DNAAF5: variants seen among roughly 807,000 people sequenced by gnomAD.
DNAAF5 encodes the protein HEAT repeat containing 2.
DNAAF5 carries 64 observed loss-of-function variants against 75.8 expected under a neutral mutation model. The ratio of observed to expected loss-of-function variants is 0.84; its 90% CI spans 0.69 to 1.04. The LOEUF (loss-of-function observed/expected upper bound fraction) is 1.04, where lower values mean the gene tolerates loss of function less well. Among genes scored for constraint, DNAAF5 ranks in the 50% least tolerant of loss-of-function variants. The pLI is 0.00. For missense variants in DNAAF5, 1,269 were observed against 1,178.5 expected (o/e 1.08, Z -1.12); for synonymous variants, 657 against 557.2 (o/e 1.18, Z -2.52).
intron 8 of DNAAF5, among the ~76,000 whole-genome samples, chr7:764,678 T>G (rs536745732): frequency 1.3e-5 from 2 of 152,192 alleles, no homozygotes; most frequent in African/African-American, 4.8e-5. Context: ...TTACACAATC[T>G]CTGTGCCTGG....
In DNAAF5 at chr7:770,463, T is replaced by C; in HGVS notation, c.1784-8T>C. The stretch of plus-strand genomic sequence containing the variant: ...GCCGTGCACAGGAGCCTCTGTTGTG[T>C]CTTACAGGCCCTGCCCTGGGAGAAG... On this transcript the variant is annotated splice_polypyrimidine_tract_variant and splice_region_variant and intron_variant, in intron 8 of 12. Coordinates refer to ENST00000297440, the MANE Select transcript of DNAAF5 (RefSeq NM_017802.4). The C allele has an allele frequency of 6.2e-7, 1 of 1,612,134 alleles. No individual in the cohort carries two copies. Among genetic ancestry groups the C allele is most frequent in the East Asian group, 2.2e-5 (1 of 44,856 alleles).
At chr7:768,883 A>G (rs1778452411) in intron 8 of DNAAF5, 3 of 490,454 alleles carry the variant, frequency 6.1e-6, no homozygotes, top group South Asian at 6.5e-5. Context: ...AGGGTGAAAC[A>G]GTCAGAAACT....
chr7:752,711 G>A (rs1782346162), intron 4 of DNAAF5, among the ~76,000 whole-genome samples: 1 of 152,206 alleles, frequency 6.6e-6, no homozygotes, highest in African/African-American at 2.4e-5. Flanking sequence ...TCTGTAACAG[G>A]GTAAAGCAAT....
Position 754,600 on chromosome 7 carries a change from G to T in DNAAF5, c.1036G>T (p.Val346Leu). ...CTTTTTCGTTCCAGAGCGCCGCCCT[G>T]TGCTGGGCTGCCGGGAGCTCGTCTT... ...PHYPPHERRP[V>L]LGCRELVFRN... The change falls in exon 5 of 13, where the codon GTG becomes TTG. Residue 346 changes from valine to leucine, a missense_variant. Val to Leu is a conservative substitution (Grantham distance 32). Coordinates refer to ENST00000297440, the MANE Select transcript of DNAAF5 (RefSeq NM_017802.4). This position sits in a 1 kb window ranked among gnomAD's most constrained non-coding sequence, Gnocchi z 4.8. 1.2e-6 allele frequency: 2 copies of T among 1,614,088 alleles called. No individual in the cohort carries two copies.
chr7:783,438 A>T (rs1361009041), intron 12 of DNAAF5, among the ~76,000 whole-genome samples: 1 of 152,054 alleles, frequency 6.6e-6, no homozygotes, highest in Non-Finnish European at 1.5e-5. Flanking sequence ...GCGTGCGACC[A>T]CATGCCTGGC....
chr7:747,050 C>T (rs1156799617), intron 4 of DNAAF5, among the ~76,000 whole-genome samples: 1 of 152,232 alleles, frequency 6.6e-6, no homozygotes, highest in Admixed American at 6.5e-5. Flanking sequence ...ATATTCGGGT[C>T]CTTTCTAGTT....
At position 727,286 on chromosome 7, in the gene DNAAF5, G is replaced by A; in HGVS notation, c.566G>A (p.Cys189Tyr). The change falls in exon 1 of 13, where the codon TGC becomes TAC. Residue 189 changes from cysteine (C) to tyrosine (Y), a missense_variant. Transcript: ENST00000297440. ...FAAVRRESCS[C>Y]AAALAQATPD... ...GCCGTGCGCCGCGAGAGCTGCAGCT[G>A]CGCCGCCGCCCTGGCGCAGGCCACG... 3 of 1,308,050 alleles carry A rather than the reference G, an allele frequency of 2.3e-6. No individual in the cohort carries two copies. The highest frequency in any genetic ancestry group is 2.1e-5 in the South Asian group (1 of 47,264). The allele number at this position is 1,308,050 out of a possible 1,614,324, so 81.0% of individuals were successfully genotyped here. A position where few individuals can be genotyped will look rare whatever the true frequency, so the allele number is the denominator to read the frequency against.
chr7:747,333 G>A (rs1246735834), intron 4 of DNAAF5, among the ~76,000 whole-genome samples: 14 of 152,134 alleles, frequency 9.2e-5, no homozygotes, highest in Non-Finnish European at 1.9e-4. Flanking sequence ...GTTGGCACAC[G>A]GTGTTGGTGT....
At position 726,822 on chromosome 7, in the gene DNAAF5, G is replaced by A; in HGVS notation, c.102G>A (p.Leu34=). 1 of 1,324,746 alleles carries A rather than the reference G, an allele frequency of 7.5e-7. No individual in the cohort carries two copies. Among genetic ancestry groups the A allele is most frequent in the South Asian group, 2.0e-5 (1 of 48,920 alleles). The allele number at this position is 1,324,746 out of a possible 1,614,324, so 82.1% of individuals were successfully genotyped here. ...AGCTGAGCCGCGCCCTGAGCCGCCTGCTGCCGGGGCTGGAGGCCGACAGCA... is the reference window on the plus strand; with the variant it reads ...AGCTGAGCCGCGCCCTGAGCCGCCTACTGCCGGGGCTGGAGGCCGACAGCA... ...AVELSRALSR[L]LPGLEADSKP... is the part of the protein sequence containing the mutation. The change falls in exon 1 of 13, where the codon CTG becomes CTA. Residue 34 remains leucine, a synonymous_variant. Coordinates refer to ENST00000297440, the MANE Select transcript of DNAAF5 (RefSeq NM_017802.4).
intron 7 of DNAAF5, among the ~76,000 whole-genome samples, chr7:762,804 A>G (rs1366124613): frequency 6.6e-6 from 1 of 152,046 alleles, no homozygotes; most frequent in African/African-American, 2.4e-5. Flanking sequence ...AGTAGAGACA[A>G]GGTTTTGCCA....
At chr7:729,944 G>A in intron 2 of DNAAF5, 97 bp downstream of exon 2, 1 of 1,175,676 alleles carries the variant, frequency 8.5e-7, no homozygotes, top group Non-Finnish European at 1.2e-6. Flanking sequence ...TTTTCAGAGT[G>A]CTGTATGCAC....
At chr7:762,198 A>G (rs1022355428) in intron 7 of DNAAF5, among the ~76,000 whole-genome samples, 4 of 152,190 alleles carry the variant, frequency 2.6e-5, no homozygotes, top group African/African-American at 9.6e-5. Context: ...TTAATAGTGC[A>G]CATGTCGCTG....
intron 1 of DNAAF5, chr7:727,528 T>G: frequency 8.4e-6 from 2 of 237,064 alleles, no homozygotes; most frequent in Non-Finnish European, 1.5e-5. Context: ...CTGCTTCCCC[T>G]GCCTCACGTC....
At chr7:780,279 CTT>C in intron 12 of DNAAF5, 135 bp downstream of exon 12, 1 of 733,144 alleles carries the variant, frequency 1.4e-6, no homozygotes, top group Non-Finnish European at 2.2e-6. Flanking sequence ...CTGGCACACT[CTT>C]GAGTTCTTGG....
chr7:780,676 A>G (rs779377238), intron 12 of DNAAF5, among the ~76,000 whole-genome samples: 40 of 152,230 alleles, frequency 2.6e-4, no homozygotes, highest in Non-Finnish European at 4.4e-4. Flanking sequence ...GACTTCTTCA[A>G]TACCACGCCA....
Position 728,615 on chromosome 7 carries a change from C to G in DNAAF5, c.596-1048C>G, listed in dbSNP as rs116055408. ...ATTCCTGGCATTTAATGTATTTCTT[C>G]TTCATCCTCAACCACTTCCCTACCC... On this transcript the variant is annotated intron_variant, in intron 1 of 12. Coordinates refer to ENST00000297440, the MANE Select transcript of DNAAF5 (RefSeq NM_017802.4). 3.9e-3 allele frequency among the ~76,000 whole-genome samples: 600 copies of G among 152,352 alleles called. 5 individuals are homozygous for G. The highest frequency in any genetic ancestry group is 0.014 in the African/African-American group (567 of 41,574).
rs556992572 is a variant in DNAAF5, at chr7:755,393, G to A, written c.1257+572G>A. Among the ~76,000 whole-genome samples, 6 of 152,180 alleles carry A rather than the reference G, an allele frequency of 3.9e-5. No homozygotes were observed. The South Asian group carries it at 1.0e-3, about 26-fold the overall frequency. On this transcript the variant is annotated intron_variant, in intron 5 of 12. Coordinates refer to ENST00000297440, the MANE Select transcript of DNAAF5 (RefSeq NM_017802.4). The stretch of plus-strand genomic sequence containing the variant: ...TCTCCTCCTCACTAGGCCGGGCCAC[G>A]CCCTGCGCTGACAGTCACCACCATG...
intron 4 of DNAAF5, among the ~76,000 whole-genome samples, chr7:742,953 C>T (rs1363403416): frequency 6.6e-6 from 1 of 152,244 alleles, no homozygotes; most frequent in African/African-American, 2.4e-5. Flanking sequence ...AATCAGATGC[C>T]CTGAGAGATT....
rs747818453 is a variant in DNAAF5 at position 774,237 on chromosome 7, G to A, written c.2082+39G>A. ...TGCGTGCTCGGTGGACACCGGCCGG[G>A]GACTGCGCAGGCTTCCTGGCGCCCG... On this transcript the variant is annotated intron_variant, in intron 10 of 12. Coordinates refer to ENST00000297440, the MANE Select transcript of DNAAF5 (RefSeq NM_017802.4). The A allele has an allele frequency of 1.9e-6, 3 of 1,558,382 alleles. No homozygotes were observed. The East Asian group carries it at 6.8e-5, about 35-fold the overall frequency.
Sources: allele counts gnomAD v4.1 joint callset (sites outside exome capture counted in the v4.1 genomes callset), GRCh38; gene constraint gnomAD v4.1.1; non-coding constraint Gnocchi (gnomAD v3.1); transcripts MANE v1.5; gene names NCBI Gene and HGNC (gene_info 2026-07-23, HGNC 2026-07-21).